The following ANKS6 variants were observed in gnomAD, a reference collection of about 807,000 sequenced individuals.
The protein encoded by ANKS6 is ankyrin repeat and sterile alpha motif domain containing 6, also known as ankyrin repeat and SAM domain-containing protein 6.
In ANKS6, 47 loss-of-function variants were observed where a neutral mutation model predicts 77.9. The observed-to-expected ratio is 0.60, with a 90% confidence interval of 0.48 to 0.77. ANKS6 has a LOEUF of 0.77. ANKS6 is among the 30% of genes least tolerant of loss of function. The probability of loss-of-function intolerance (pLI) is 0.00; values close to 1 mark genes in which losing one functional copy is unlikely to be tolerated. For synonymous variants in ANKS6, 488 were observed against 501.7 expected (o/e 0.97, Z 0.37); for missense variants, 1,150 against 1,159.1 (o/e 0.99, Z 0.11).
At chr9:98,792,716 C>T (rs1834969254) in intron 1 of ANKS6, among the ~76,000 whole-genome samples, 1 of 152,154 alleles carries the variant, frequency 6.6e-6, no homozygotes, top group Admixed American at 6.5e-5. Context: ...GATAAACTCA[C>T]AGATTAGGAA....
chr9:98,795,714 T>C (rs1197568092), intron 1 of ANKS6, among the ~76,000 whole-genome samples: 1 of 152,136 alleles, frequency 6.6e-6, no homozygotes, highest in Non-Finnish European at 1.5e-5. Flanking sequence ...TACTCAAACC[T>C]TTCCGGTCAA....
chr9:98,753,623 A>C (rs1832545796), intron 12 of ANKS6, among the ~76,000 whole-genome samples: 1 of 150,868 alleles, frequency 6.6e-6, no homozygotes, highest in Non-Finnish European at 1.5e-5. Flanking sequence ...CCTATCTCAA[A>C]AAAAAAAAAA....
rs1198208817 is a variant in ANKS6 at position 98,756,504 on chromosome 9, C to G, written c.2242G>C (p.Ala748Pro). ...TPSPSPKGHTAESSVSSSSSH... is the reference protein window; with the variant it reads ...TPSPSPKGHTPESSVSSSSSH... ...GACGAGGAAGACACTGAGGACTCTGCAGTGTGCCCTTTGGGTGAGGGGGAG... is the reference window on the plus strand; with the variant it reads ...GACGAGGAAGACACTGAGGACTCTGGAGTGTGCCCTTTGGGTGAGGGGGAG... Residue 748 changes from alanine to proline, a missense_variant, in exon 12 of 15, where the codon GCA (alanine) becomes CCA (proline). By Grantham distance (27) the Ala-to-Pro change is conservative. Transcript: ENST00000353234. 1.4e-5 allele frequency: 23 copies of G among 1,611,762 alleles called. No homozygotes were observed. Among genetic ancestry groups the G allele is most frequent in the Non-Finnish European group, 1.7e-5 (20 of 1,179,044 alleles).
rs1441837007 is a variant in ANKS6, at chr9:98,778,347, G to A, written c.1446C>T (p.Asn482=). The A allele has an allele frequency of 3.1e-6, 5 of 1,614,064 alleles. No individual in the cohort carries two copies. Among genetic ancestry groups the A allele is most frequent in the East Asian group, 2.2e-5 (1 of 44,894 alleles). Residue 482 remains asparagine, a synonymous_variant, in exon 7 of 15, where the codon AAC becomes AAT. Transcript: ENST00000353234. The part of the protein sequence containing the change: ...MQTLPRGLSS[N]QPLPFSDEPE... ...GCTCGTCAGAGAAAGGCAAAGGCTG[G>A]TTGCTGGACAGCCCACGGGGCAGCG...
At chr9:98,758,610 T>C (rs1832843042) in intron 11 of ANKS6, among the ~76,000 whole-genome samples, 1 of 152,220 alleles carries the variant, frequency 6.6e-6, no homozygotes, top group African/African-American at 2.4e-5. Flanking sequence ...TATCTACTTT[T>C]ATATCTACTA....
intron 10 of ANKS6, among the ~76,000 whole-genome samples, chr9:98,769,601 G>GA (rs1335847535): frequency 2.0e-5 from 3 of 152,164 alleles, no homozygotes; most frequent in Non-Finnish European, 4.4e-5. Flanking sequence ...TGAGGAAAAA[G>GA]AAAAAAGCAA....
intron 13 of ANKS6, among the ~76,000 whole-genome samples, chr9:98,749,472 A>G (rs1470341929): frequency 6.6e-6 from 1 of 152,200 alleles, no homozygotes; most frequent in Non-Finnish European, 1.5e-5. Context: ...CCTACGCTGG[A>G]CAACCACAAC....
At chr9:98,792,544 C>T (rs1367056343) in intron 1 of ANKS6, among the ~76,000 whole-genome samples, 1 of 152,178 alleles carries the variant, frequency 6.6e-6, no homozygotes, top group African/African-American at 2.4e-5. Flanking sequence ...CAGAGGTGAG[C>T]AGTGGAAATC....
chr9:98,767,104 A>T (rs538719799), intron 11 of ANKS6, among the ~76,000 whole-genome samples: 2 of 152,156 alleles, frequency 1.3e-5, no homozygotes, highest in South Asian at 4.2e-4. Context: ...ACACTAAAAA[A>T]CTTCTTGTTC....
At chr9:98,788,668 T>C (rs1420008960) in intron 2 of ANKS6, among the ~76,000 whole-genome samples, 1 of 152,236 alleles carries the variant, frequency 6.6e-6, no homozygotes, top group Non-Finnish European at 1.5e-5. Flanking sequence ...GTAGTAGTTG[T>C]CATTGTGTCC....
At chr9:98,740,602 T>C in intron 14 of ANKS6, among the ~76,000 whole-genome samples, 1 of 152,186 alleles carries the variant, frequency 6.6e-6, no homozygotes, top group South Asian at 2.1e-4. Context: ...ATCTTAGCCT[T>C]AATTTCCTGA....
At chr9:98,789,054 G>C (rs1834737891) in intron 2 of ANKS6, among the ~76,000 whole-genome samples, 1 of 144,952 alleles carries the variant, frequency 6.9e-6, no homozygotes, top group Non-Finnish European at 1.5e-5. Context: ...TTTTTTTGGA[G>C]AGTGTATTTC....
At position 98,733,825 on chromosome 9, in the gene ANKS6, C is replaced by A; in HGVS notation, c.*2694G>T. ...GAACCTCACCCCACTTTCACATACACACCCTACGTTTCTTTATGAAAAACC... is the reference window on the plus strand; with the variant it reads ...GAACCTCACCCCACTTTCACATACAAACCCTACGTTTCTTTATGAAAAACC... On this transcript the variant is annotated 3_prime_UTR_variant, in exon 15 of 15. Transcript: ENST00000353234. 2.0e-6 allele frequency: 2 copies of A among 985,436 alleles called. No homozygotes were observed. The highest frequency in any genetic ancestry group is 2.4e-6 in the Non-Finnish European group (2 of 829,950). 61.0% of individuals were successfully genotyped at this position (985,436 alleles called of 1,614,324 possible).
chr9:98,740,850 T>C (rs1396708753), intron 14 of ANKS6, among the ~76,000 whole-genome samples: 1 of 152,170 alleles, frequency 6.6e-6, no homozygotes, highest in Non-Finnish European at 1.5e-5. Context: ...TCTCAAAAAA[T>C]GCAAATTAAA....
intron 9 of ANKS6, 104 bp downstream of exon 9, chr9:98,773,773 G>A: frequency 1.8e-6 from 2 of 1,088,606 alleles, no homozygotes; most frequent in Non-Finnish European, 2.4e-6. Context: ...AAAAAAAGTT[G>A]CAACCCCTCT....
At chr9:98,776,786 T>C (rs1276467231) in intron 8 of ANKS6, among the ~76,000 whole-genome samples, 1 of 152,174 alleles carries the variant, frequency 6.6e-6, no homozygotes. Flanking sequence ...AATGAGGCCG[T>C]CATGGGCCAG....
intron 5 of ANKS6, 123 bp downstream of exon 5, chr9:98,782,344 G>A (rs552542461): frequency 2.9e-5 from 25 of 863,422 alleles, no homozygotes; most frequent in Middle Eastern, 5.0e-4. Flanking sequence ...TGACACTTGA[G>A]AGTGACTTTC....
At chr9:98,765,965 CTTTGA>C (rs982612638) in intron 11 of ANKS6, among the ~76,000 whole-genome samples, 2 of 152,124 alleles carry the variant, frequency 1.3e-5, no homozygotes, top group African/African-American at 2.4e-5. Flanking sequence ...CTTCTGTGTC[CTTTGA>C]TTTAAGACTG....
In ANKS6 at chr9:98,753,654, T is replaced by G. The variant is rs537257133; in HGVS notation, c.2327-2558A>C. Reference sequence around the variant, plus strand: ...AAAAAGCAAGCCCTGATTGATGGTGTTTGCCAATTTCCATGGTGTAAATAC... The same window carrying G: ...AAAAAGCAAGCCCTGATTGATGGTGGTTGCCAATTTCCATGGTGTAAATAC... On this transcript the variant is annotated intron_variant, in intron 12 of 14. Transcript: ENST00000353234. Among the ~76,000 whole-genome samples the G allele has an allele frequency of 4.0e-5, 6 of 149,866 alleles. No individual in the cohort carries two copies. In the South Asian group the frequency reaches 1.3e-3, roughly 32 times the overall value.
Sources: allele counts gnomAD v4.1 joint callset (sites outside exome capture counted in the v4.1 genomes callset), GRCh38; gene constraint gnomAD v4.1.1; transcripts MANE v1.5; gene names NCBI Gene and HGNC (gene_info 2026-07-23, HGNC 2026-07-21).